The following ASPRV1 variants were observed in gnomAD, a reference collection of about 807,000 sequenced individuals.
ASPRV1 encodes retroviral-like aspartic protease 1.
In ASPRV1, 7 loss-of-function variants were observed where a neutral mutation model predicts 11.0. The observed-to-expected ratio is 0.64, with a 90% confidence interval of 0.36 to 1.20. ASPRV1 has a LOEUF of 1.20. Among genes scored for constraint, ASPRV1 ranks in the 50% most tolerant of loss-of-function variants. The pLI, the probability that ASPRV1 is intolerant of heterozygous loss-of-function variation, is 0.02. For missense variants in ASPRV1, 299 were observed against 320.0 expected (o/e 0.93, Z 0.50); for synonymous variants, 136 against 138.4 (o/e 0.98, Z 0.12).
chr2:69,957,455 T>G (rs1003140748), downstream of ASPRV1, among the ~76,000 whole-genome samples: 1 of 151,208 alleles, frequency 6.6e-6, no homozygotes, highest in African/African-American at 2.4e-5. Flanking sequence ...GCATAAAGAA[T>G]TATCTAGTAT....
chr2:69,997,304 C>T, the ASPRV1 span, among the ~76,000 whole-genome samples: 5 of 152,236 alleles, frequency 3.3e-5, no homozygotes, highest in South Asian at 1.0e-3. Context: ...TATCCATCTC[C>T]TCCGCACCAA....
chr2:70,020,544 A>G, the ASPRV1 span, among the ~76,000 whole-genome samples: 463 of 152,262 alleles, frequency 3.0e-3, 2 homozygotes, highest in Middle Eastern at 0.017. Flanking sequence ...GGAGTTTGAG[A>G]CTAGCCTGGC....
the ASPRV1 span, among the ~76,000 whole-genome samples, chr2:70,066,090 T>C: frequency 6.6e-6 from 1 of 151,748 alleles, no homozygotes; most frequent in Non-Finnish European, 1.5e-5. Context: ...ACACCCATAA[T>C]CCCAGCACTT....
chr2:70,039,480 GAAGGAT>G, the ASPRV1 span, among the ~76,000 whole-genome samples: 1 of 152,180 alleles, frequency 6.6e-6, no homozygotes. Flanking sequence ...ACTTTAAGGA[GAAGGAT>G]GACTCCAGCT....
At chr2:69,976,819 A>T in the ASPRV1 span, 1 of 152,438 alleles carries the variant, frequency 6.6e-6, no homozygotes, top group Non-Finnish European at 1.5e-5. Context: ...ACACAGAGAG[A>T]GTCCCAAATC....
the ASPRV1 span, among the ~76,000 whole-genome samples, chr2:70,084,290 T>C: frequency 2.6e-4 from 40 of 152,368 alleles, no homozygotes; most frequent in Non-Finnish European, 5.0e-4. Context: ...TCCTTGATTA[T>C]ATGCAATTTA....
the ASPRV1 span, among the ~76,000 whole-genome samples, chr2:70,065,573 G>C: frequency 1.3e-5 from 2 of 151,896 alleles, no homozygotes; most frequent in South Asian, 4.1e-4. Flanking sequence ...AGATAGTCAA[G>C]GGAAGACCTG....
At chr2:70,012,313 C>A in the ASPRV1 span, 1 of 152,120 alleles carries the variant, frequency 6.6e-6, no homozygotes, top group African/African-American at 2.4e-5. Context: ...CGCCACCACG[C>A]CCGGCTAATT....
At chr2:69,940,681 A>G in the ASPRV1 span, 6 of 152,752 alleles carry the variant, frequency 3.9e-5, no homozygotes, top group Non-Finnish European at 7.3e-5. Flanking sequence ...GTTTGATTGC[A>G]TATAAATGTG....
the ASPRV1 span, chr2:69,935,375 G>A: frequency 6.2e-7 from 1 of 1,613,990 alleles, no homozygotes; most frequent in Non-Finnish European, 8.5e-7. Context: ...GCTTGTGCCT[G>A]GAGAAGTTGA....
At chr2:70,040,318 G>T in the ASPRV1 span, among the ~76,000 whole-genome samples, 6 of 152,246 alleles carry the variant, frequency 3.9e-5, no homozygotes, top group Admixed American at 1.3e-4. Flanking sequence ...AAGCTGCAGT[G>T]AACTGTGATC....
chr2:70,022,362 TAC>T, the ASPRV1 span, among the ~76,000 whole-genome samples: 35,324 of 112,958 alleles, frequency 0.31, 4,610 homozygotes, highest in Non-Finnish European at 0.35. Context: ...CACACACACT[TAC>T]ACACACACAC....
At chr2:69,982,036 TATCCATCCATCC>T in the ASPRV1 span, among the ~76,000 whole-genome samples, 2,925 of 149,120 alleles carry the variant, frequency 0.02, 41 homozygotes, top group South Asian at 0.026. Context: ...CCCTCTCATC[TATCCATCCATCC>T]ATCCATCCAT....
chr2:69,957,982 G>T (rs1249333853), downstream of ASPRV1, among the ~76,000 whole-genome samples: 3 of 152,158 alleles, frequency 2.0e-5, no homozygotes, highest in Admixed American at 2.0e-4. Context: ...GAAGGCAGAT[G>T]AATCTTCCTG....
chr2:69,963,482 C>T (rs1171055733), upstream of ASPRV1: 2 of 455,354 alleles, frequency 4.4e-6, no homozygotes, highest in Admixed American at 2.3e-5. Flanking sequence ...GTATTCATTA[C>T]CTCTGCACAT....
At chr2:70,037,370 C>T in the ASPRV1 span, among the ~76,000 whole-genome samples, 1 of 152,164 alleles carries the variant, frequency 6.6e-6, no homozygotes. Flanking sequence ...GTCACTCAGG[C>T]TGGGGCACAG....
At chr2:70,007,983 G>C in the ASPRV1 span, among the ~76,000 whole-genome samples, 1 of 151,920 alleles carries the variant, frequency 6.6e-6, no homozygotes, top group African/African-American at 2.4e-5. Context: ...CTACAGGTAC[G>C]CTCCATCACG....
In ASPRV1 at chr2:69,960,933, C is replaced by T. The variant is rs758489117; in HGVS notation, c.504G>A (p.Lys168=). The change falls in exon 1 of 1, where the codon AAG becomes AAA. Residue 168 remains lysine (K), a synonymous_variant. Transcript: ENST00000320256. Reference sequence around the variant, plus strand: ...CCGCTGTATCCCAGACACCCAGGATCTTCATTTCAGCACCATTGGCCACCT... The same window carrying T: ...CCGCTGTATCCCAGACACCCAGGATTTTCATTTCAGCACCATTGGCCACCT... ...VVKVANGAEM[K]ILGVWDTAVS... is the part of the protein sequence containing the mutation. 1 of 1,614,102 alleles carries T rather than the reference C, an allele frequency of 6.2e-7. No homozygotes were observed. The highest frequency in any genetic ancestry group is 8.5e-7 in the Non-Finnish European group (1 of 1,180,000).
the ASPRV1 span, among the ~76,000 whole-genome samples, chr2:69,948,356 A>G: frequency 2.0e-5 from 3 of 152,248 alleles, no homozygotes; most frequent in African/African-American, 7.2e-5. Context: ...GAAGCTGTCC[A>G]GCGGCATGAA....
Sources: allele counts gnomAD v4.1 joint callset (sites outside exome capture counted in the v4.1 genomes callset), GRCh38; gene constraint gnomAD v4.1.1; transcripts MANE v1.5; gene names NCBI Gene and HGNC (gene_info 2026-07-23, HGNC 2026-07-21).